SF1: variants seen among roughly 807,000 people sequenced by gnomAD.
SF1 encodes the protein branch point-binding protein.
Under a neutral mutation model 62.5 loss-of-function variants are expected in SF1, and 7 were observed. The observed-to-expected ratio is 0.11, with a 90% CI of 0.06 to 0.21. The LOEUF is 0.21. Among genes scored for constraint, SF1 ranks in the 10% least tolerant of loss-of-function variants. SF1 has a pLI of 1.00. For missense variants in SF1, 578 were observed against 884.0 expected (o/e 0.65, Z 4.39); for synonymous variants, 394 against 323.6 (o/e 1.22, Z -2.33).
intron 4 of SF1, 22 bp downstream of exon 4, chr11:64,770,234 A>G: frequency 6.2e-7 from 1 of 1,608,104 alleles, no homozygotes; most frequent in Non-Finnish European, 8.5e-7. Context: ...TTCATCCCAG[A>G]TGACCGAGCC....
intron 1 of SF1, chr11:64,777,863 C>G: frequency 1.1e-6 from 1 of 936,426 alleles, no homozygotes; most frequent in Non-Finnish European, 1.3e-6. Flanking sequence ...CGCCTCCGCC[C>G]GGGCCTCCCC....
chr11:64,770,102 G>A, intron 4 of SF1, 49 bp from the exon 5 acceptor site: 1 of 1,581,852 alleles, frequency 6.3e-7, no homozygotes. Flanking sequence ...GAATGACACA[G>A]CCAGCGGCTT....
chr11:64,775,633 C>T (rs1226754007), intron 2 of SF1, among the ~76,000 whole-genome samples: 4 of 152,234 alleles, frequency 2.6e-5, no homozygotes, highest in East Asian at 3.9e-4. Context: ...GGTCTTTGCC[C>T]GAATTTCCTC....
Position 64,776,734 on chromosome 11 carries a change from G to A in SF1, c.32-108C>T, listed in dbSNP as rs886736496. 9 of 1,058,738 alleles carry A rather than the reference G, an allele frequency of 8.5e-6. No individual in the cohort carries two copies. The African/African-American group carries it at 1.5e-4, about 18-fold the overall frequency. The allele number at this position is 1,058,738 out of a possible 1,614,324, so 65.6% of individuals were successfully genotyped here. On this transcript the variant is annotated intron_variant, in intron 1 of 12. Transcript: ENST00000377390. ...GAAACTCAGCAGACTGTGAAGCTGAGAGCTTAACCTAAAACTTAAACATTA... is the reference window on the plus strand; with the variant it reads ...GAAACTCAGCAGACTGTGAAGCTGAAAGCTTAACCTAAAACTTAAACATTA...
At chr11:64,775,948 GA>G (rs1476357418) in intron 2 of SF1, 3 of 156,250 alleles carry the variant, frequency 1.9e-5, no homozygotes, top group African/African-American at 7.2e-5. Context: ...AACCAGAAAA[GA>G]TGTTGAAGGG....
intron 3 of SF1, chr11:64,771,709 AT>A: frequency 1.0e-6 from 1 of 985,416 alleles, no homozygotes; most frequent in Non-Finnish European, 1.2e-6. Flanking sequence ...TTAGACTACC[AT>A]CTTATACATT....
intron 3 of SF1, chr11:64,772,360 A>G: frequency 1.0e-6 from 1 of 984,290 alleles, no homozygotes; most frequent in Non-Finnish European, 1.2e-6. Context: ...AACGAAACAC[A>G]ACACAACCCT....
At chr11:64,771,143 A>G (rs914341784) in intron 3 of SF1, among the ~76,000 whole-genome samples, 8 of 152,238 alleles carry the variant, frequency 5.3e-5, no homozygotes, top group African/African-American at 1.9e-4. Context: ...CTGAACCTGC[A>G]AACAGCAAGG....
intron 1 of SF1, chr11:64,777,958 G>A: frequency 1.0e-6 from 1 of 987,626 alleles, no homozygotes; most frequent in Non-Finnish European, 1.2e-6. Context: ...TCCGCGCGAC[G>A]CCTCTCGCGC....
intron 2 of SF1, 56 bp downstream of exon 2, chr11:64,776,442 C>T (rs1399537945): frequency 1.3e-6 from 2 of 1,552,154 alleles, no homozygotes; most frequent in South Asian, 2.3e-5. Context: ...GCAGATCTTG[C>T]TCAGAATAAA....
At chr11:64,776,995 T>C (rs71537680) in intron 1 of SF1, among the ~76,000 whole-genome samples, 3 of 152,192 alleles carry the variant, frequency 2.0e-5, no homozygotes, top group East Asian at 1.9e-4. Flanking sequence ...TGAAGAATCA[T>C]AGATTTGTAA....
At chr11:64,778,166 GGCGGCGGCGGAGGCGGCGGAGGCA>G (rs1939705864) in intron 1 of SF1, 172 bp downstream of exon 1, 6 of 905,448 alleles carry the variant, frequency 6.6e-6, no homozygotes, top group African/African-American at 1.8e-5. Flanking sequence ...AGGCGGAGGG[GGCGGCGGCGGAGGCGGCGGAGGCA>G]GCGCCGCGAA....
chr11:64,771,752 T>A (rs898635928), intron 3 of SF1: 11 of 985,172 alleles, frequency 1.1e-5, no homozygotes, highest in Non-Finnish European at 1.3e-5. Context: ...AAACATGTTT[T>A]TACTGTGCAA....
At position 64,765,328 on chromosome 11, in the gene SF1, AAATT is replaced by A; in HGVS notation, c.*486_*489del. On this transcript the variant is annotated 3_prime_UTR_variant, in exon 13 of 13. Transcript: ENST00000377390. ...AAGAAGTAACAAAGGAAAAAGAAAA[AAATT>A]AATAAAAATTTCACGATATGGAGCC... The A allele has an allele frequency of 1.4e-6, 1 of 689,872 alleles. No homozygotes were observed. Among genetic ancestry groups the A allele is most frequent in the South Asian group, 1.9e-5 (1 of 53,562 alleles). The allele number at this position is 689,872 out of a possible 1,614,324, so 42.7% of individuals were successfully genotyped here.
rs200278552 is a variant in SF1 at position 64,767,547 on chromosome 11, G to C, written c.1342+24C>G. The stretch of plus-strand genomic sequence containing the variant: ...CCTTGCTTATCCCAAAGCCCCCAAG[G>C]TTTCTGGTCTGACACTTACTTACCC... On this transcript the variant is annotated intron_variant, in intron 10 of 12. Coordinates refer to ENST00000377390, the MANE Select transcript of SF1 (RefSeq NM_004630.4). 4,875 of 1,529,180 alleles carry C rather than the reference G, an allele frequency of 3.2e-3. 56 individuals carry two copies. The highest frequency in any genetic ancestry group is 2.3e-3 in the Non-Finnish European group (2,591 of 1,141,222). The allele number at this position is 1,529,180 out of a possible 1,614,324, so 94.7% of individuals were successfully genotyped here.
intron 3 of SF1, chr11:64,772,970 GAGC>G: frequency 1.0e-6 from 1 of 989,018 alleles, no homozygotes; most frequent in Non-Finnish European, 1.2e-6. Flanking sequence ...TCAAAACCAT[GAGC>G]AGGAAGACTG....
At chr11:64,772,223 C>T in intron 3 of SF1, 2 of 985,006 alleles carry the variant, frequency 2.0e-6, no homozygotes, top group Middle Eastern at 5.2e-4. Context: ...AAAAATTCAA[C>T]CTTTGGAGGA....
At chr11:64,768,352 C>T (rs1592464700) in intron 8 of SF1, 66 bp from the exon 9 acceptor site, 2 of 1,467,252 alleles carry the variant, frequency 1.4e-6, no homozygotes, top group East Asian at 4.6e-5. Flanking sequence ...AGCTTTTATC[C>T]TGAGGAACCA....
At chr11:64,769,654 C>G in intron 5 of SF1, 45 bp from the exon 6 acceptor site, 1 of 1,553,460 alleles carries the variant, frequency 6.4e-7, no homozygotes, top group Non-Finnish European at 8.8e-7. Flanking sequence ...CAAATTCACA[C>G]TCAAGAGGGA....
Sources: allele counts gnomAD v4.1 joint callset (sites outside exome capture counted in the v4.1 genomes callset), GRCh38; gene constraint gnomAD v4.1.1; transcripts MANE v1.5; gene names NCBI Gene and HGNC (gene_info 2026-07-23, HGNC 2026-07-21).